Variants in PRRT1B observed in about 807,000 individuals in gnomAD.
The protein encoded by PRRT1B is dispanin subfamily D member 2.
intron 1 of PRRT1B, among the ~76,000 whole-genome samples, chr9:131,554,131 T>A (rs1951029969): frequency 6.6e-6 from 1 of 152,188 alleles, no homozygotes; most frequent in African/African-American, 2.4e-5. Flanking sequence ...AAGCCAAGAA[T>A]CTAATTGGTT....
At chr9:131,547,887 C>T (rs1336124486) in intron 1 of PRRT1B, among the ~76,000 whole-genome samples, 2 of 152,168 alleles carry the variant, frequency 1.3e-5, no homozygotes, top group Non-Finnish European at 1.5e-5. Flanking sequence ...AGTTCCTTTC[C>T]TTTTCTGGTA....
intron 2 of PRRT1B, among the ~76,000 whole-genome samples, chr9:131,555,310 G>A (rs1223875546): frequency 6.6e-6 from 1 of 152,130 alleles, no homozygotes; most frequent in Admixed American, 6.5e-5. Context: ...GGTAGGGAGG[G>A]CAGGAAGGTG....
chr9:131,555,880 G>A (rs1346720549), intron 2 of PRRT1B, among the ~76,000 whole-genome samples, 190 bp from the exon 3 acceptor site: 2 of 152,114 alleles, frequency 1.3e-5, no homozygotes, highest in African/African-American at 2.4e-5. Context: ...GCGGGGCTGA[G>A]TGGCCAGGGG....
intron 1 of PRRT1B, among the ~76,000 whole-genome samples, chr9:131,548,057 T>C (rs1950987282): frequency 6.6e-6 from 1 of 152,192 alleles, no homozygotes; most frequent in African/African-American, 2.4e-5. Flanking sequence ...GACGCCTGCC[T>C]TGGTCATTCA....
chr9:131,558,212 T>C (rs975474977), exon 4 of PRRT1B: 5 of 400,868 alleles, frequency 1.2e-5, no homozygotes, highest in African/African-American at 1.0e-4. Context: ...AGGCTGTGGC[T>C]CCTGCGGAGA....
At chr9:131,556,701 G>A (rs1324599034) in intron 3 of PRRT1B, among the ~76,000 whole-genome samples, 12 of 151,154 alleles carry the variant, frequency 7.9e-5, no homozygotes, top group South Asian at 2.1e-4. Context: ...GCGTGATCTC[G>A]GCTCACTGCA....
exon 3 of PRRT1B, chr9:131,556,100 C>T (rs1588551948): frequency 5.0e-6 from 2 of 400,978 alleles, no homozygotes; most frequent in Middle Eastern, 3.1e-4. Flanking sequence ...CGTGCCAGGC[C>T]CTGCCACGGT....
Position 131,558,226 on chromosome 9 carries a change from C to T in PRRT1B, c.*24C>T, listed in dbSNP as rs762770579. 18 of 400,950 alleles carry T rather than the reference C, an allele frequency of 4.5e-5. No individual in the cohort carries two copies. In the East Asian group the frequency reaches 5.0e-4, roughly 11 times the overall value. The allele number at this position is 400,950 out of a possible 1,614,324, so 24.8% of individuals were successfully genotyped here. A position where few individuals can be genotyped will look rare whatever the true frequency, so the allele number is the denominator to read the frequency against. On this transcript the variant is annotated 3_prime_UTR_variant, in exon 4 of 4. Transcript: ENST00000636672. ...GAGGCTGTGGCTCCTGCGGAGATGC[C>T]GGATGCCGGAATGTCCACGGAAAAC... is the stretch of plus-strand genomic sequence containing the variant.
intron 1 of PRRT1B, among the ~76,000 whole-genome samples, chr9:131,553,012 C>T (rs750023855): frequency 6.6e-6 from 1 of 152,088 alleles, no homozygotes; most frequent in Non-Finnish European, 1.5e-5. Context: ...CTCCACTCCG[C>T]AACCTCCCTG....
chr9:131,557,728 G>A (rs1951059557), intron 3 of PRRT1B, among the ~76,000 whole-genome samples: 1 of 152,222 alleles, frequency 6.6e-6, no homozygotes, highest in African/African-American at 2.4e-5. Context: ...CATTAGTGTT[G>A]TGACCCTGGA....
At chr9:131,552,874 C>T (rs536636141) in intron 1 of PRRT1B, among the ~76,000 whole-genome samples, 5 of 140,602 alleles carry the variant, frequency 3.6e-5, no homozygotes, top group Admixed American at 1.5e-4. Flanking sequence ...TTTAGCGAGA[C>T]GGGGTTTCAT....
chr9:131,556,603 C>T (rs1951052085), intron 3 of PRRT1B, among the ~76,000 whole-genome samples: 1 of 151,972 alleles, frequency 6.6e-6, no homozygotes, highest in South Asian at 2.1e-4. Context: ...TATTCACCCA[C>T]CCATTTATCC....
Position 131,545,659 on chromosome 9 carries a change from CTGGTGGGA to C in PRRT1B, c.25+20_25+27del. 1 of 401,146 alleles carries C rather than the reference CTGGTGGGA, an allele frequency of 2.5e-6. No individual in the cohort carries two copies. Among genetic ancestry groups the C allele is most frequent in the African/African-American group, 2.1e-5 (1 of 48,392 alleles). 24.8% of individuals were successfully genotyped at this position (401,146 alleles called of 1,614,324 possible). ...GGGGCAGGTGCCGGAGGGGCAGGTGCTGGTGGGACAGGTACTGGCGGGGCAGGTACTGG... is the reference window on the plus strand; with the variant it reads ...GGGGCAGGTGCCGGAGGGGCAGGTGCCAGGTACTGGCGGGGCAGGTACTGG... On this transcript the variant is annotated intron_variant, in intron 1 of 3. Transcript: ENST00000636672.
intron 1 of PRRT1B, among the ~76,000 whole-genome samples, chr9:131,547,424 C>G (rs1006506315): frequency 1.3e-5 from 2 of 152,156 alleles, no homozygotes; most frequent in East Asian, 3.9e-4. Context: ...CACCTTGTGA[C>G]TCCCACCCCT....
chr9:131,555,466 A>C (rs1322873297), intron 2 of PRRT1B, among the ~76,000 whole-genome samples: 1 of 152,110 alleles, frequency 6.6e-6, no homozygotes, highest in Non-Finnish European at 1.5e-5. Flanking sequence ...GCTTGGGCTT[A>C]GGAGTTCCAG....
chr9:131,557,821 G>A (rs780730326), intron 3 of PRRT1B, among the ~76,000 whole-genome samples: 4 of 152,252 alleles, frequency 2.6e-5, no homozygotes, highest in Non-Finnish European at 5.9e-5. Context: ...GATGGTAGAG[G>A]TTGAAGCTGA....
intron 3 of PRRT1B, among the ~76,000 whole-genome samples, chr9:131,557,234 C>T (rs1489269750): frequency 6.6e-6 from 1 of 152,134 alleles, no homozygotes; most frequent in Non-Finnish European, 1.5e-5. Context: ...AATGTGATGA[C>T]ACTCTAATAG....
Position 131,555,064 on chromosome 9 carries a change from G to A in PRRT1B, c.498+35G>A, listed in dbSNP as rs1303214726. 352 of 388,146 alleles carry A rather than the reference G, an allele frequency of 9.1e-4. 1 individual carries two copies. Among genetic ancestry groups the A allele is most frequent in the Non-Finnish European group, 1.7e-4 (38 of 219,660 alleles). 24.0% of individuals were successfully genotyped at this position (388,146 alleles called of 1,614,324 possible). A position where few individuals can be genotyped will look rare whatever the true frequency, so the allele number is the denominator to read the frequency against. Reference sequence around the variant, plus strand: ...CGCCGCCCTGGGCGCGCTCCCCTCCGTGCTGTCTGCGCGTGGTCGGGGGCG... The same window carrying A: ...CGCCGCCCTGGGCGCGCTCCCCTCCATGCTGTCTGCGCGTGGTCGGGGGCG... On this transcript the variant is annotated intron_variant, in intron 2 of 3. Coordinates refer to ENST00000636672, the Ensembl canonical transcript of PRRT1B.
exon 4 of PRRT1B, chr9:131,558,256 C>G (rs73660025): frequency 0.017 from 6,946 of 400,718 alleles, 430 homozygotes; most frequent in African/African-American, 0.13. Context: ...GAAAACTGGC[C>G]GGGCCAGACC....
Sources: allele counts gnomAD v4.1 joint callset (sites outside exome capture counted in the v4.1 genomes callset), GRCh38; gene constraint gnomAD v4.1.1; transcripts MANE v1.5; gene names NCBI Gene and HGNC (gene_info 2026-07-23, HGNC 2026-07-21).